The following PIR variants were observed in gnomAD, a reference collection of about 807,000 sequenced individuals.
The protein encoded by PIR is pirin (iron-binding nuclear protein).
In PIR, 22 loss-of-function variants were observed where a neutral mutation model predicts 24.2. That is an observed-to-expected ratio of 0.91 (90% CI 0.65 to 1.30). The LOEUF is 1.30. Among genes scored for constraint, PIR ranks in the 50% most tolerant of loss-of-function variants. The pLI is 0.00. For synonymous variants in PIR, 80 were observed against 79.6 expected (o/e 1.00, Z -0.03); for missense variants, 220 against 220.3 (o/e 1.00, Z 0.01).
chrX:15,481,261 A>G (rs774013109), intron 2 of PIR, among the ~76,000 whole-genome samples: 7 of 112,615 alleles, frequency 6.2e-5, no homozygotes, highest in Non-Finnish European at 1.3e-4. Context: ...CAGACAACTA[A>G]AGATCAATCT....
intron 3 of PIR, among the ~76,000 whole-genome samples, chrX:15,479,339 T>C (rs1262740579): frequency 2.7e-5 from 3 of 110,032 alleles, no homozygotes; most frequent in African/African-American, 9.9e-5. Flanking sequence ...AAACAGGTTT[T>C]TTTCTTTCTT....
chrX:15,486,298 C>CA (rs59774013), intron 2 of PIR, among the ~76,000 whole-genome samples: 17 of 39,666 alleles, frequency 4.3e-4, no homozygotes, highest in Admixed American at 4.5e-4. Context: ...GACTCTGTCT[C>CA]AAAAAAAAAA....
intron 6 of PIR, among the ~76,000 whole-genome samples, chrX:15,417,256 A>G (rs1924955573): frequency 8.9e-6 from 1 of 111,752 alleles, no homozygotes; most frequent in South Asian, 3.7e-4. Flanking sequence ...GCTCCGGCTG[A>G]CACTTTGATC....
chrX:15,403,889 T>A, intron 7 of PIR, among the ~76,000 whole-genome samples: 1 of 112,226 alleles, frequency 8.9e-6, no homozygotes, highest in East Asian at 2.8e-4. Flanking sequence ...TAACTCTTTT[T>A]CTTCAGGGTG....
At chrX:15,462,605 G>C (rs1921355117) in intron 3 of PIR, among the ~76,000 whole-genome samples, 1 of 112,184 alleles carries the variant, frequency 8.9e-6, no homozygotes, top group Non-Finnish European at 1.9e-5. Flanking sequence ...GTCAAAGCCA[G>C]ATTGTTTTTG....
At chrX:15,469,705 G>A (rs769687583) in intron 3 of PIR, among the ~76,000 whole-genome samples, 6 of 111,214 alleles carry the variant, frequency 5.4e-5, no homozygotes, top group East Asian at 5.7e-4. Context: ...AGTTATAAGC[G>A]ACTGAAACAT....
intron 2 of PIR, among the ~76,000 whole-genome samples, chrX:15,486,893 G>A (rs1051007201): frequency 2.7e-5 from 3 of 112,380 alleles, no homozygotes; most frequent in African/African-American, 9.7e-5. Flanking sequence ...TTTGGATGAT[G>A]CTTTCTGTTA....
chrX:15,491,455 T>C (rs1602311132), intron 1 of PIR, 146 bp from the exon 2 acceptor site: 2 of 360,499 alleles, frequency 5.5e-6, no homozygotes, highest in East Asian at 9.1e-5. Context: ...CTGGGTTAGG[T>C]GATTTAAAAC....
chrX:15,429,830 T>C (rs2147035346), intron 5 of PIR: 1 of 108,152 alleles, frequency 9.2e-6, no homozygotes, highest in East Asian at 2.9e-4. Context: ...CACTCCAGCC[T>C]GGGCGGAAGA....
chrX:15,390,107 C>G (rs1376870343), intron 9 of PIR, 78 bp downstream of exon 9: 2 of 472,485 alleles, frequency 4.2e-6, no homozygotes, highest in Non-Finnish European at 6.7e-6. Context: ...GCTATTCTTC[C>G]CAACAATAGT....
chrX:15,470,562 T>TC (rs1172688672), intron 3 of PIR, among the ~76,000 whole-genome samples: 1 of 108,882 alleles, frequency 9.2e-6, no homozygotes, highest in Non-Finnish European at 1.9e-5. Flanking sequence ...TTATTACATT[T>TC]CCCCCCACTC....
chrX:15,394,955 T>C (rs1320861229), intron 8 of PIR, among the ~76,000 whole-genome samples: 1 of 111,635 alleles, frequency 9.0e-6, no homozygotes, highest in African/African-American at 3.3e-5. Flanking sequence ...CAAATGGGTG[T>C]GATGGTGGAG....
intron 8 of PIR, among the ~76,000 whole-genome samples, chrX:15,392,304 A>G (rs753800861): frequency 1.9e-3 from 211 of 112,270 alleles, no homozygotes; most frequent in Middle Eastern, 0.018. Context: ...TCTTATTTAG[A>G]ATAAAACAAT....
intron 5 of PIR, among the ~76,000 whole-genome samples, chrX:15,433,150 T>A (rs1026549779): frequency 8.9e-5 from 10 of 112,197 alleles, no homozygotes; most frequent in Non-Finnish European, 1.7e-4. Context: ...ACTGTGAATA[T>A]CAATCTGGGA....
chrX:15,412,885 T>C (rs1336569074), intron 6 of PIR, among the ~76,000 whole-genome samples: 1 of 111,775 alleles, frequency 8.9e-6, no homozygotes, highest in African/African-American at 3.3e-5. Flanking sequence ...AAGTTCCTGT[T>C]TCAACATCAG....
chrX:15,385,248 TCA>T, intron 9 of PIR, 132 bp from the exon 10 acceptor site: 1 of 389,119 alleles, frequency 2.6e-6, no homozygotes, highest in Non-Finnish European at 4.5e-6. Context: ...AAGTTTATTT[TCA>T]CAGTGTTCAA....
chrX:15,419,861 A>G (rs949669064), intron 6 of PIR, among the ~76,000 whole-genome samples: 2 of 105,962 alleles, frequency 1.9e-5, no homozygotes, highest in Admixed American at 2.1e-4. Flanking sequence ...ATGCCATTGC[A>G]CTCCAGCCTG....
At chrX:15,396,232 G>A (rs928070981) in intron 8 of PIR, among the ~76,000 whole-genome samples, 1 of 111,555 alleles carries the variant, frequency 9.0e-6, no homozygotes, top group Non-Finnish European at 1.9e-5. Flanking sequence ...ATATTAAAGG[G>A]CACTGACCCT....
intron 3 of PIR, among the ~76,000 whole-genome samples, chrX:15,479,151 T>G (rs952903736): frequency 3.6e-5 from 4 of 111,960 alleles, no homozygotes; most frequent in African/African-American, 1.3e-4. Flanking sequence ...AACTAGTAAA[T>G]GTATATGTAT....
Sources: allele counts gnomAD v4.1 joint callset (sites outside exome capture counted in the v4.1 genomes callset), GRCh38; gene constraint gnomAD v4.1.1; transcripts MANE v1.5; gene names NCBI Gene and HGNC (gene_info 2026-07-23, HGNC 2026-07-21).